NTM: variants seen among roughly 807,000 people sequenced by gnomAD.
The protein encoded by NTM is neurotrimin.
NTM carries 13 observed loss-of-function variants against 42.1 expected under a neutral mutation model. The observed-to-expected ratio is 0.31, with a 90% CI of 0.20 to 0.49. The LOEUF is 0.49. Among genes scored for constraint, NTM ranks in the 20% least tolerant of loss-of-function variants. NTM has a pLI of 0.99. For synonymous variants in NTM, 187 were observed against 179.2 expected (o/e 1.04, Z -0.35); for missense variants, 373 against 452.8 (o/e 0.82, Z 1.60).
chr11:131,371,138 T>G (rs937826024), intron 1 of NTM: 4 of 978,320 alleles, frequency 4.1e-6, no homozygotes, highest in Non-Finnish European at 4.9e-6. Context: ...CTGTTAGGAC[T>G]GTGCTTGTGT....
chr11:132,177,760 G>A (rs1199807217), intron 3 of NTM, among the ~76,000 whole-genome samples: 2 of 152,164 alleles, frequency 1.3e-5, no homozygotes, highest in Non-Finnish European at 2.9e-5. Flanking sequence ...GCCCCAATGG[G>A]GCATGGGGTA....
chr11:132,323,307 GA>G (rs1482464342), intron 7 of NTM, among the ~76,000 whole-genome samples: 1 of 151,952 alleles, frequency 6.6e-6, no homozygotes, highest in Non-Finnish European at 1.5e-5. Context: ...AAAAAAAGAA[GA>G]ATCAAATAGA....
intron 1 of NTM, among the ~76,000 whole-genome samples, chr11:131,518,247 A>G (rs1413622740): frequency 6.6e-6 from 1 of 152,168 alleles, no homozygotes; most frequent in Non-Finnish European, 1.5e-5. Flanking sequence ...CAGGGAAGTT[A>G]AAAGACTCGA....
At chr11:132,304,706 A>T (rs2095011462) in intron 4 of NTM, among the ~76,000 whole-genome samples, 1 of 152,212 alleles carries the variant, frequency 6.6e-6, no homozygotes, top group Non-Finnish European at 1.5e-5. Context: ...GAGAAAAGTG[A>T]GCATAATGAC....
chr11:131,755,404 C>A (rs1237292220), intron 1 of NTM, among the ~76,000 whole-genome samples: 3 of 152,094 alleles, frequency 2.0e-5, no homozygotes, highest in Admixed American at 6.5e-5. Context: ...TTTACCAAAG[C>A]AAAGTGAAGC....
intron 1 of NTM, chr11:131,774,052 C>T: frequency 2.0e-6 from 2 of 983,690 alleles, no homozygotes; most frequent in Non-Finnish European, 2.4e-6. Context: ...ATTGACTTTG[C>T]CTTCCTCTGT....
intron 7 of NTM, among the ~76,000 whole-genome samples, chr11:132,317,251 G>A (rs770155133): frequency 3.3e-5 from 5 of 152,124 alleles, no homozygotes; most frequent in Non-Finnish European, 7.3e-5. Context: ...GTGGTGCCAG[G>A]GGCAAAAATT....
intron 1 of NTM, among the ~76,000 whole-genome samples, chr11:131,432,871 T>C (rs942483804): frequency 1.3e-5 from 1 of 78,166 alleles, no homozygotes; most frequent in Non-Finnish European, 2.5e-5. Flanking sequence ...TTTTTTTTTT[T>C]GAGACGGAGT....
chr11:132,120,633 C>A (rs984909864), intron 2 of NTM, among the ~76,000 whole-genome samples: 1 of 152,162 alleles, frequency 6.6e-6, no homozygotes, highest in African/African-American at 2.4e-5. Flanking sequence ...TGGCTCCTTT[C>A]TTTCTTCATC....
At chr11:131,741,601 G>T (rs1477287601) in intron 1 of NTM, among the ~76,000 whole-genome samples, 1 of 152,156 alleles carries the variant, frequency 6.6e-6, no homozygotes, top group Non-Finnish European at 1.5e-5. Flanking sequence ...GAAGCAATTT[G>T]TTTGTAAGTG....
At chr11:131,390,218 G>A (rs1010270241) in intron 1 of NTM, among the ~76,000 whole-genome samples, 11 of 152,126 alleles carry the variant, frequency 7.2e-5, no homozygotes, top group Non-Finnish European at 1.2e-4. Flanking sequence ...AGAAAGAGAG[G>A]AGAGGGAGGT....
intron 4 of NTM, among the ~76,000 whole-genome samples, chr11:132,223,665 T>C (rs914888954): frequency 1.3e-5 from 2 of 152,218 alleles, no homozygotes; most frequent in Admixed American, 6.5e-5. Context: ...TCTCAAATCA[T>C]ACACATTCAA....
chr11:132,184,387 G>A (rs1397871700), intron 3 of NTM, among the ~76,000 whole-genome samples: 1 of 152,188 alleles, frequency 6.6e-6, no homozygotes, highest in Admixed American at 6.5e-5. Context: ...GGGGGGCAGT[G>A]CACTGCCCCA....
rs61167647 is a variant in NTM at position 131,401,799 on chromosome 11, AATAT to A, written c.82+30970_82+30973del. Among the ~76,000 whole-genome samples, 183 of 34,914 alleles carry A rather than the reference AATAT, an allele frequency of 5.2e-3. 8 individuals carry two copies. Among genetic ancestry groups the A allele is most frequent in the East Asian group, 8.7e-3 (8 of 916 alleles). The allele number at this position is 34,914 out of a possible 152,430, so 22.9% of individuals were successfully genotyped here. On this transcript the variant is annotated intron_variant, in intron 1 of 8. Transcript: ENST00000683400. Reference sequence around the variant, plus strand: ...TCATTATGTGAGTCAGGCCACTGGAAATATATATATATATATATATATATATATA... The same window carrying A: ...TCATTATGTGAGTCAGGCCACTGGAAATATATATATATATATATATATATA...
intron 4 of NTM, among the ~76,000 whole-genome samples, chr11:132,270,474 C>T (rs11222990): frequency 0.14 from 20,790 of 151,962 alleles, 1,815 homozygotes; most frequent in East Asian, 0.46. Flanking sequence ...AGTGATCAGC[C>T]GATCTTGGCC....
At chr11:131,888,917 T>A (rs1275611178) in intron 1 of NTM, among the ~76,000 whole-genome samples, 3 of 151,484 alleles carry the variant, frequency 2.0e-5, no homozygotes, top group African/African-American at 7.3e-5. Context: ...TATTTTTTTT[T>A]TTTTTATTTT....
At chr11:131,557,894 C>T (rs2055670723) in intron 1 of NTM, among the ~76,000 whole-genome samples, 1 of 152,186 alleles carries the variant, frequency 6.6e-6, no homozygotes, top group Non-Finnish European at 1.5e-5. Context: ...TTGCAGCATG[C>T]AGCTCAGCTT....
chr11:132,276,935 G>T (rs2093749613), intron 4 of NTM, among the ~76,000 whole-genome samples: 1 of 152,130 alleles, frequency 6.6e-6, no homozygotes, highest in African/African-American at 2.4e-5. Context: ...CTGACAGATA[G>T]TTGGCTTATT....
intron 1 of NTM, among the ~76,000 whole-genome samples, chr11:131,843,142 T>C (rs1174182837): frequency 6.6e-6 from 1 of 152,182 alleles, no homozygotes; most frequent in Non-Finnish European, 1.5e-5. Context: ...TGTTGTAATA[T>C]TTTTGCCAAA....
Sources: gnomAD v4.1 joint callset for allele counts (sites outside exome capture counted in the v4.1 genomes callset) on GRCh38, gnomAD v4.1.1 for gene constraint, MANE v1.5 for transcripts, NCBI Gene and HGNC (gene_info 2026-07-23, HGNC 2026-07-21) for gene names.